Variants in PDLIM1 observed in about 807,000 individuals in gnomAD.
PDLIM1 encodes the protein PDZ and LIM domain protein 1.
Under a neutral mutation model 35.2 loss-of-function variants are expected in PDLIM1, and 25 were observed. The observed-to-expected ratio is 0.71, with a 90% confidence interval of 0.52 to 0.99. The LOEUF (loss-of-function observed/expected upper bound fraction) is 0.99. Ranked by LOEUF, PDLIM1 falls within the 50% of genes least tolerant of loss-of-function variation. PDLIM1 has a pLI of 0.00. For synonymous variants in PDLIM1, 152 were observed against 154.0 expected (o/e 0.99, Z 0.10); for missense variants, 363 against 415.3 (o/e 0.87, Z 1.09).
intron 4 of PDLIM1, among the ~76,000 whole-genome samples, chr10:95,254,457 T>C (rs2035293504): frequency 6.6e-6 from 1 of 152,200 alleles, no homozygotes; most frequent in Admixed American, 6.5e-5. Context: ...CAATGTTAAA[T>C]GTGTGTGCAT....
intron 4 of PDLIM1, among the ~76,000 whole-genome samples, chr10:95,249,337 G>GAAAGGCCA (rs1245235415): frequency 6.6e-6 from 1 of 152,248 alleles, no homozygotes; most frequent in Non-Finnish European, 1.5e-5. Context: ...CTGCTAAGGA[G>GAAAGGCCA]AAAGGCCAGT....
chr10:95,275,313 C>G (rs113586533), intron 1 of PDLIM1, among the ~76,000 whole-genome samples: 19 of 152,202 alleles, frequency 1.2e-4, no homozygotes, highest in Admixed American at 3.3e-4. Context: ...AATAATAAAA[C>G]TCTAGTCTTC....
rs11872 is a variant in PDLIM1, at chr10:95,237,852, G to C, written c.*73C>G. 3.0e-6 allele frequency: 4 copies of C among 1,318,756 alleles called. No homozygotes were observed. Among genetic ancestry groups the C allele is most frequent in the Non-Finnish European group, 4.2e-6 (4 of 941,570 alleles). 81.7% of individuals were successfully genotyped at this position (1,318,756 alleles called of 1,614,324 possible). On this transcript the variant is annotated 3_prime_UTR_variant, in exon 7 of 7. Transcript: ENST00000329399. ...AAGTAAGCAGAGAACTTTCAAGAGAGGAGAGGGCCAGAACACTGAGAGAAA... is the reference window on the plus strand; with the variant it reads ...AAGTAAGCAGAGAACTTTCAAGAGACGAGAGGGCCAGAACACTGAGAGAAA...
At chr10:95,256,994 G>GAAAAGA (rs773386796) in intron 4 of PDLIM1, among the ~76,000 whole-genome samples, 1 of 110,172 alleles carries the variant, frequency 9.1e-6, no homozygotes, top group African/African-American at 3.0e-5. Flanking sequence ...AAAAAAGAAA[G>GAAAAGA]AAAGAAAGAA....
chr10:95,256,986 A>AAAAG (rs71034327), intron 4 of PDLIM1, among the ~76,000 whole-genome samples: 3,940 of 61,570 alleles, frequency 0.064, 202 homozygotes, highest in East Asian at 0.12. Context: ...AAAAAAAAAA[A>AAAAG]AAAGAAAGAA....
intron 5 of PDLIM1, among the ~76,000 whole-genome samples, chr10:95,244,157 C>T (rs531407717): frequency 3.3e-5 from 5 of 152,220 alleles, no homozygotes; most frequent in African/African-American, 1.2e-4. Context: ...CTTCTGCCTG[C>T]AAGTTTTGGA....
At position 95,290,075 on chromosome 10, in the gene PDLIM1, C is replaced by G. The variant is rs919005960; in HGVS notation, c.96+745G>C. Among the ~76,000 whole-genome samples, 4 of 152,204 alleles carry G rather than the reference C, an allele frequency of 2.6e-5. No homozygotes were observed. Among genetic ancestry groups the G allele is most frequent in the African/African-American group, 9.6e-5 (4 of 41,452 alleles). On this transcript the variant is annotated intron_variant, in intron 1 of 6. Transcript: ENST00000329399. This position sits in a 1 kb window ranked among gnomAD's most constrained non-coding sequence, Gnocchi z 4.7. ...AAGATCCGAAGCCCCTCTTAGATTT[C>G]AAGCACCTCAACCCCACCCCAGGTG...
intron 5 of PDLIM1, among the ~76,000 whole-genome samples, chr10:95,242,362 GATT>G (rs902565768): frequency 9.9e-5 from 15 of 151,534 alleles, no homozygotes; most frequent in African/African-American, 3.6e-4. Context: ...TTTTTTTCAT[GATT>G]ATTGAGTTTT....
chr10:95,284,474 C>T (rs1172605306), intron 1 of PDLIM1, among the ~76,000 whole-genome samples: 2 of 152,096 alleles, frequency 1.3e-5, no homozygotes, highest in Non-Finnish European at 2.9e-5. Context: ...CTGCCTCAGC[C>T]TCTTGAGTAG....
At chr10:95,245,099 G>A (rs2035208798) in intron 5 of PDLIM1, among the ~76,000 whole-genome samples, 1 of 152,138 alleles carries the variant, frequency 6.6e-6, no homozygotes, top group African/African-American at 2.4e-5. Flanking sequence ...GATTCTCTTT[G>A]GGGCAAGAAC....
intron 5 of PDLIM1, among the ~76,000 whole-genome samples, chr10:95,246,456 G>A (rs921863056): frequency 1.3e-5 from 2 of 152,074 alleles, no homozygotes; most frequent in African/African-American, 4.8e-5. Flanking sequence ...AACCCTACGG[G>A]GTGACCCTGG....
chr10:95,256,984 AAAAAAGAAAGAAAGAAAGAAAG>A (rs1242896244), intron 4 of PDLIM1, among the ~76,000 whole-genome samples: 10 of 138,878 alleles, frequency 7.2e-5, no homozygotes, highest in Admixed American at 2.2e-4. Flanking sequence ...TAAAAAAAAA[AAAAAAGAAAGAAAGAAAGAAAG>A]AAAGAAAGAA....
chr10:95,290,142 G>A lies in PDLIM1; in HGVS notation c.96+678C>T, dbSNP rs1039716993. On this transcript the variant is annotated intron_variant, in intron 1 of 6. Transcript: ENST00000329399. The surrounding 1 kb of genome is among the most constrained non-coding windows in gnomAD (Gnocchi z 4.7). ...ATCTACTCATGCCCTGAGAAAAAAG[G>A]GCTGGTGCGGGGAGGGGAAAGAGAT... Among the ~76,000 whole-genome samples the A allele has an allele frequency of 1.3e-5, 2 of 152,162 alleles. No individual in the cohort carries two copies. The highest frequency in any genetic ancestry group is 2.9e-5 in the Non-Finnish European group (2 of 68,022).
At chr10:95,245,847 G>C (rs980078124) in intron 5 of PDLIM1, among the ~76,000 whole-genome samples, 4 of 152,146 alleles carry the variant, frequency 2.6e-5, no homozygotes, top group Non-Finnish European at 5.9e-5. Context: ...CCCAGGTGTC[G>C]GGTGTGTTCA....
intron 3 of PDLIM1, among the ~76,000 whole-genome samples, chr10:95,267,731 C>A (rs188425139): frequency 6.6e-6 from 1 of 152,266 alleles, no homozygotes; most frequent in Non-Finnish European, 1.5e-5. Flanking sequence ...CAACTTCATA[C>A]AAGTTTCTGT....
chr10:95,264,263 T>C (rs2035393235), intron 3 of PDLIM1, among the ~76,000 whole-genome samples, 200 bp from the exon 4 acceptor site: 1 of 152,114 alleles, frequency 6.6e-6, no homozygotes, highest in African/African-American at 2.4e-5. Flanking sequence ...AATGGGCACC[T>C]GTGCGAGTTC....
At chr10:95,286,872 C>T (rs533342040) in intron 1 of PDLIM1, among the ~76,000 whole-genome samples, 1 of 152,318 alleles carries the variant, frequency 6.6e-6, no homozygotes, top group East Asian at 1.9e-4. Context: ...CTATCCTGAT[C>T]CCAGTACACA....
chr10:95,238,756 A>G (rs2035148811), intron 5 of PDLIM1, 71 bp from the exon 6 acceptor site: 1 of 947,294 alleles, frequency 1.1e-6, no homozygotes, highest in Non-Finnish European at 1.7e-6. Context: ...GCTCTTCAGA[A>G]CCACTTATAA....
At chr10:95,281,575 CACAA>C (rs961111097) in intron 1 of PDLIM1, among the ~76,000 whole-genome samples, 3 of 152,192 alleles carry the variant, frequency 2.0e-5, no homozygotes, top group Non-Finnish European at 4.4e-5. Context: ...TCAAACAAAA[CACAA>C]ACAAAAAAAT....
Sources: allele counts gnomAD v4.1 joint callset (sites outside exome capture counted in the v4.1 genomes callset), GRCh38; gene constraint gnomAD v4.1.1; non-coding constraint Gnocchi (gnomAD v3.1); transcripts MANE v1.5; gene names NCBI Gene and HGNC (gene_info 2026-07-23, HGNC 2026-07-21).